Variants in C10orf143 observed in about 807,000 individuals in gnomAD.
The protein encoded by C10orf143 is uncharacterized protein C10orf143.
At chr10:130,103,508 T>C (rs1242077130) in intron 1 of C10orf143, among the ~76,000 whole-genome samples, 1 of 151,858 alleles carries the variant, frequency 6.6e-6, no homozygotes. Context: ...AATAAATACA[T>C]ACACACTTGT....
intron 1 of C10orf143, among the ~76,000 whole-genome samples, chr10:130,108,676 T>C (rs191768647): frequency 6.6e-6 from 1 of 152,340 alleles, no homozygotes; most frequent in African/African-American, 2.4e-5. Flanking sequence ...ATTAATCCAC[T>C]ATTATAGAAA....
chr10:130,097,662 C>T (rs999607874), intron 1 of C10orf143, among the ~76,000 whole-genome samples: 1 of 152,146 alleles, frequency 6.6e-6, no homozygotes, highest in Admixed American at 6.5e-5. Context: ...CTGCACTATT[C>T]ATAACCAAAA....
At chr10:130,108,273 A>G (rs763854573) in intron 1 of C10orf143, 6 of 1,568,926 alleles carry the variant, frequency 3.8e-6, no homozygotes, top group Non-Finnish European at 5.3e-6. Flanking sequence ...GGTCCACCAC[A>G]TGCTCCGTTT....
intron 3 of C10orf143, among the ~76,000 whole-genome samples, chr10:130,048,707 A>T (rs569201084): frequency 2.0e-5 from 3 of 152,196 alleles, no homozygotes; most frequent in Admixed American, 2.0e-4. Flanking sequence ...AGCTTGAGAG[A>T]CATCTTCTTT....
chr10:130,071,916 G>A (rs576857895), intron 3 of C10orf143, among the ~76,000 whole-genome samples: 9 of 152,272 alleles, frequency 5.9e-5, no homozygotes, highest in Admixed American at 1.3e-4. Context: ...GAGCCACCGC[G>A]CCTGGCCGTC....
intron 3 of C10orf143, among the ~76,000 whole-genome samples, chr10:130,071,791 A>AT (rs1168179634): frequency 1.3e-5 from 2 of 152,116 alleles, no homozygotes; most frequent in East Asian, 3.9e-4. Flanking sequence ...TGCCTGGCTA[A>AT]TTTTTTATTT....
intron 1 of C10orf143, among the ~76,000 whole-genome samples, chr10:130,083,419 C>G (rs1410382977): frequency 6.6e-6 from 1 of 152,188 alleles, no homozygotes; most frequent in Non-Finnish European, 1.5e-5. Flanking sequence ...CCAAAACATA[C>G]ACCTCCAACG....
At chr10:130,047,303 A>G (rs1860687114) in intron 3 of C10orf143, among the ~76,000 whole-genome samples, 2 of 152,212 alleles carry the variant, frequency 1.3e-5, no homozygotes, top group Admixed American at 6.5e-5. Context: ...GGCTGCAGGT[A>G]GGAAGTGAAG....
intron 3 of C10orf143, among the ~76,000 whole-genome samples, chr10:130,040,994 G>C (rs1860600873): frequency 1.3e-5 from 2 of 152,086 alleles, no homozygotes; most frequent in Non-Finnish European, 2.9e-5. Context: ...CTTAGTGAGG[G>C]CCCCCGCCAC....
At chr10:130,089,304 C>T (rs1861343543) in intron 1 of C10orf143, among the ~76,000 whole-genome samples, 2 of 152,218 alleles carry the variant, frequency 1.3e-5, no homozygotes, top group Non-Finnish European at 2.9e-5. Flanking sequence ...TTAAGGAAAG[C>T]AGTTATGCAC....
chr10:130,076,249 T>G (rs1861115908), intron 3 of C10orf143, among the ~76,000 whole-genome samples: 1 of 152,190 alleles, frequency 6.6e-6, no homozygotes, highest in Non-Finnish European at 1.5e-5. Flanking sequence ...GGGACTACTC[T>G]GCAGGAGCTA....
At chr10:130,057,666 T>G (rs1184536495) in intron 3 of C10orf143, among the ~76,000 whole-genome samples, 3 of 152,172 alleles carry the variant, frequency 2.0e-5, no homozygotes, top group East Asian at 3.9e-4. Flanking sequence ...AGGGTCAGCA[T>G]GTGGATGGCA....
intron 1 of C10orf143, among the ~76,000 whole-genome samples, chr10:130,102,997 T>G (rs1294929120): frequency 2.6e-5 from 4 of 151,842 alleles, no homozygotes; most frequent in African/African-American, 9.7e-5. Context: ...TTTTAAAAGA[T>G]TGTGTTTCGC....
At chr10:130,088,642 A>G (rs574511353) in intron 1 of C10orf143, among the ~76,000 whole-genome samples, 1 of 152,140 alleles carries the variant, frequency 6.6e-6, no homozygotes, top group Non-Finnish European at 1.5e-5. Flanking sequence ...GTTTAGTTCA[A>G]GTCCTACCAT....
intron 3 of C10orf143, chr10:130,066,396 G>A (rs1393335993): frequency 7.0e-6 from 1 of 143,066 alleles, no homozygotes; most frequent in Admixed American, 7.2e-5. Context: ...GTTTCATCAT[G>A]TTGTCCAGGC....
chr10:130,110,655 A>AG (rs1258727560), intron 1 of C10orf143, 49 bp downstream of exon 1: 19 of 398,536 alleles, frequency 4.8e-5, no homozygotes, highest in African/African-American at 3.9e-4. Context: ...GAACCCGCCC[A>AG]GGGGCCATCC....
downstream of C10orf143, among the ~76,000 whole-genome samples, chr10:130,058,982 C>T (rs953176862): frequency 6.6e-6 from 1 of 151,894 alleles, no homozygotes; most frequent in Non-Finnish European, 1.5e-5. Context: ...TGAGAAAGAT[C>T]AAAGAACAGA....
intron 1 of C10orf143, among the ~76,000 whole-genome samples, chr10:130,094,546 T>C (rs865957267): frequency 6.6e-6 from 1 of 152,180 alleles, no homozygotes; most frequent in Non-Finnish European, 1.5e-5. Context: ...GTTGGCTTCA[T>C]CCCTGGGATG....
intron 1 of C10orf143, among the ~76,000 whole-genome samples, chr10:130,102,329 G>C (rs1054906968): frequency 1.3e-5 from 2 of 152,040 alleles, no homozygotes; most frequent in Non-Finnish European, 2.9e-5. Flanking sequence ...CACCCAAGCC[G>C]AAGTGCAGTG....
Sources: gnomAD v4.1 joint callset for allele counts (sites outside exome capture counted in the v4.1 genomes callset) on GRCh38, gnomAD v4.1.1 for gene constraint, MANE v1.5 for transcripts, NCBI Gene and HGNC (gene_info 2026-07-23, HGNC 2026-07-21) for gene names.